The following MYO7B variants were observed in gnomAD, a reference collection of about 807,000 sequenced individuals.
MYO7B encodes the protein myosin VIIB, also known as unconventional myosin-VIIb.
In MYO7B, 212 loss-of-function variants were observed where a neutral mutation model predicts 259.7. The ratio of observed to expected loss-of-function variants is 0.82; its 90% CI spans 0.73 to 0.91. The LOEUF is 0.91. Ranked by LOEUF, MYO7B falls within the 40% of genes least tolerant of loss-of-function variation. The pLI, the probability that MYO7B is intolerant of heterozygous loss-of-function variation, is 0.00. For missense variants in MYO7B, 2,732 were observed against 2,813.5 expected (o/e 0.97, Z 0.66); for synonymous variants, 1,197 against 1,166.4 (o/e 1.03, Z -0.54).
At chr2:127,574,205 C>CTTCCCCCTCA (rs1678766175) in intron 7 of MYO7B, 143 bp downstream of exon 7, 2 of 1,095,202 alleles carry the variant, frequency 1.8e-6, no homozygotes, top group East Asian at 4.8e-5. Context: ...AATGAGGGCC[C>CTTCCCCCTCA]TTCCCCAGTA....
Position 127,636,666 on chromosome 2 carries a change from G to A in MYO7B, c.6207+38G>A. 6.2e-7 allele frequency: 1 copy of A among 1,607,814 alleles called. No individual in the cohort carries two copies. The highest frequency in any genetic ancestry group is 8.5e-7 in the Non-Finnish European group (1 of 1,177,060). ...CCTCCGGAGGGGCTGGGGGCCACCA[G>A]GTCCAGGGACCTGTGCAGGTGGGGC... is the stretch of plus-strand genomic sequence containing the variant. On this transcript the variant is annotated intron_variant, in intron 46 of 47. Transcript: ENST00000409816. The surrounding 1 kb of genome is among the most constrained non-coding windows in gnomAD (Gnocchi z 4.5).
intron 27 of MYO7B, 53 bp downstream of exon 27, chr2:127,620,519 G>T: frequency 2.8e-6 from 4 of 1,439,736 alleles, no homozygotes; most frequent in Non-Finnish European, 3.7e-6. Flanking sequence ...TGGTGGGAGC[G>T]TAGGTGGCCC....
rs1677981424 is a variant in MYO7B, at chr2:127,559,558, C to A, written c.-23-142C>A. 2 of 719,136 alleles carry A rather than the reference C, an allele frequency of 2.8e-6. No individual in the cohort carries two copies. The highest frequency in any genetic ancestry group is 3.5e-5 in the African/African-American group (2 of 57,066). 44.5% of individuals were successfully genotyped at this position (719,136 alleles called of 1,614,324 possible). A position where few individuals can be genotyped will look rare whatever the true frequency, so the allele number is the denominator to read the frequency against. On this transcript the variant is annotated intron_variant, in intron 1 of 47. Coordinates refer to ENST00000409816, the MANE Select transcript of MYO7B (RefSeq NM_001393586.1). The surrounding 1 kb of genome is among the most constrained non-coding windows in gnomAD (Gnocchi z 4.1). ...GGGCTAGGACTGTGACTCATTCATC[C>A]ATTTATTCAGCATTGTTTTTGAGCC...
chr2:127,612,457 G>T lies in MYO7B; in HGVS notation c.3271-19G>T. 1 of 1,551,752 alleles carries T rather than the reference G, an allele frequency of 6.4e-7. No individual in the cohort carries two copies. Among genetic ancestry groups the T allele is most frequent in the Non-Finnish European group, 8.7e-7 (1 of 1,147,100 alleles). ...GGGGAGAATCATAGCTGTCCTGATG[G>T]CTGCCTTTGGGTTTCAAGGTGGCCA... On this transcript the variant is annotated intron_variant, in intron 25 of 47. Transcript: ENST00000409816.
intron 19 of MYO7B, 64 bp from the exon 20 acceptor site, chr2:127,605,780 C>A: frequency 6.9e-7 from 1 of 1,448,734 alleles, no homozygotes; most frequent in Non-Finnish European, 9.6e-7. Context: ...ACCAGTTTTT[C>A]TCCCTCAGAA....
chr2:127,607,506 G>T lies in MYO7B; in HGVS notation c.2643+82G>T, dbSNP rs1680202741. ...AGGGCAAGAAGGAGTGAGCGGCTGT[G>T]TAGAGAGCTCACCAGAAGCGCTTTG... On this transcript the variant is annotated intron_variant, in intron 21 of 47. Coordinates refer to ENST00000409816, the MANE Select transcript of MYO7B (RefSeq NM_001393586.1). The surrounding 1 kb of genome is among the most constrained non-coding windows in gnomAD (Gnocchi z 4.4). 4 of 1,251,932 alleles carry T rather than the reference G, an allele frequency of 3.2e-6. No individual in the cohort carries two copies. The highest frequency in any genetic ancestry group is 2.3e-5 in the Admixed American group (1 of 43,048). 77.6% of individuals were successfully genotyped at this position (1,251,932 alleles called of 1,614,324 possible). A position where few individuals can be genotyped will look rare whatever the true frequency, so the allele number is the denominator to read the frequency against.
At chr2:127,625,057 A>G (rs1271887324) in intron 30 of MYO7B, among the ~76,000 whole-genome samples, 1 of 152,170 alleles carries the variant, frequency 6.6e-6, no homozygotes, top group Non-Finnish European at 1.5e-5. Flanking sequence ...CTCCCTTGAC[A>G]ACCAAGGACT....
chr2:127,633,469 T>C lies in MYO7B; in HGVS notation c.5511+106T>C. The C allele has an allele frequency of 4.6e-6, 5 of 1,097,398 alleles. No individual in the cohort carries two copies. In the South Asian group the frequency reaches 7.3e-5, roughly 16 times the overall value. The allele number at this position is 1,097,398 out of a possible 1,614,324, so 68.0% of individuals were successfully genotyped here. ...TCCTTGGTAACCCCAGAGAGCCTTT[T>C]CTAGGGCTGTCCCATCCTAACCAGT... On this transcript the variant is annotated intron_variant, in intron 40 of 47. Coordinates refer to ENST00000409816, the MANE Select transcript of MYO7B (RefSeq NM_001393586.1).
intron 1 of MYO7B, among the ~76,000 whole-genome samples, chr2:127,545,430 A>T (rs960983780): frequency 6.6e-6 from 1 of 152,188 alleles, no homozygotes; most frequent in African/African-American, 2.4e-5. Flanking sequence ...GAGCAGCCGC[A>T]TGCTGGGATG....
rs141325832 is a variant in MYO7B, at chr2:127,540,851, G to A, written c.-24+5020G>A. 5.9e-5 allele frequency among the ~76,000 whole-genome samples: 9 copies of A among 152,306 alleles called. No individual in the cohort carries two copies. The South Asian group carries it at 8.3e-4, about 14-fold the overall frequency. On this transcript the variant is annotated intron_variant, in intron 1 of 47. Transcript: ENST00000409816. ...TGAACAGGGGCTTCTGTGGAGCTAC[G>A]TCTACATGAAGGACGGTGTTTCAAG... is the stretch of plus-strand genomic sequence containing the variant.
intron 1 of MYO7B, among the ~76,000 whole-genome samples, chr2:127,558,675 A>G (rs909852141): frequency 6.6e-6 from 1 of 152,210 alleles, no homozygotes; most frequent in Non-Finnish European, 1.5e-5. Context: ...ACGTATATAT[A>G]TGATATACAT....
chr2:127,566,993 C>G (rs902669936), intron 5 of MYO7B, among the ~76,000 whole-genome samples, 166 bp downstream of exon 5: 2 of 152,190 alleles, frequency 1.3e-5, no homozygotes, highest in Non-Finnish European at 2.9e-5. Flanking sequence ...GCAGTTCCCC[C>G]AAAGCTTCCT....
chr2:127,578,362 G>C, intron 9 of MYO7B, 76 bp downstream of exon 9: 1 of 1,565,262 alleles, frequency 6.4e-7, no homozygotes, highest in South Asian at 1.1e-5. Context: ...GCATCTCTAG[G>C]GGTTCTCACA....
rs1001458666 is a variant in MYO7B, at chr2:127,535,839, C to T, written c.-24+8C>T. The T allele has an allele frequency of 6.6e-6, 1 of 152,242 alleles. No homozygotes were observed. The highest frequency in any genetic ancestry group is 2.4e-5 in the African/African-American group (1 of 41,432). The allele number at this position is 152,242 out of a possible 1,614,324, so 9.4% of individuals were successfully genotyped here. A position where few individuals can be genotyped will look rare whatever the true frequency, so the allele number is the denominator to read the frequency against. The stretch of plus-strand genomic sequence containing the variant: ...GACCCCCATCCTGACAAGGTAAGGG[C>T]GTGCCGGGGGCGTGTCTGCCAGCGG... On this transcript the variant is annotated splice_region_variant and intron_variant, in intron 1 of 47. Transcript: ENST00000409816. This position sits in a 1 kb window ranked among gnomAD's most constrained non-coding sequence, Gnocchi z 4.8.
At position 127,636,548 on chromosome 2, in the gene MYO7B, A is replaced by C; in HGVS notation, c.6127A>C (p.Thr2043Pro). The C allele has an allele frequency of 1.2e-6, 2 of 1,610,192 alleles. No individual in the cohort carries two copies. The highest frequency in any genetic ancestry group is 2.2e-5 in the South Asian group (2 of 90,312). The change falls in exon 46 of 48, where the codon ACC becomes CCC. Residue 2043 changes from threonine (T) to proline (P), a missense_variant. Transcript: ENST00000409816. The surrounding 1 kb of genome is among the most constrained non-coding windows in gnomAD (Gnocchi z 4.5). ...FGSAFFEVKQ[T>P]SEPSYPDVIL... ...CCGCCGTGTCCCTCCCTCCCAGCAA[A>C]CCTCGGAGCCTTCCTACCCGGACGT...
chr2:127,549,159 CCTTCCTTT>C (rs143181627), intron 1 of MYO7B, among the ~76,000 whole-genome samples: 78,864 of 133,178 alleles, frequency 0.59, 22,254 homozygotes, highest in Admixed American at 0.7. Context: ...TTCCTTCCTT[CCTTCCTTT>C]CTTTCTTTCT....
chr2:127,634,652 C>T lies in MYO7B; in HGVS notation c.5682C>T (p.Asp1894=), dbSNP rs760644801. The change falls in exon 42 of 48, where the codon GAC becomes GAT. Residue 1894 remains aspartate, a synonymous_variant. Coordinates refer to ENST00000409816, the MANE Select transcript of MYO7B (RefSeq NM_001393586.1). ...TTGATTCCTTGAGGGAGGTGTCTGA[C>T]TGGGTGAAGAAGAACAAGCCCCAGA... ...FFFDSLREVS[D]WVKKNKPQKE... is the part of the protein sequence containing the mutation. 6.2e-7 allele frequency: 1 copy of T among 1,612,968 alleles called. No individual in the cohort carries two copies. The highest frequency in any genetic ancestry group is 8.5e-7 in the Non-Finnish European group (1 of 1,179,520).
intron 2 of MYO7B, 31 bp from the exon 3 acceptor site, chr2:127,564,122 A>T (rs1394477861): frequency 7.0e-7 from 1 of 1,431,520 alleles, no homozygotes; most frequent in Non-Finnish European, 9.6e-7. Flanking sequence ...GAGAGCGGGG[A>T]TCACACCACT....
At chr2:127,619,370 AG>A (rs1402444911) in intron 26 of MYO7B, among the ~76,000 whole-genome samples, 1 of 17,324 alleles carries the variant, frequency 5.8e-5, no homozygotes, top group Non-Finnish European at 1.1e-4. Flanking sequence ...GCGCCAGCTG[AG>A]TAGTGGGTGC....
Sources: gnomAD v4.1 joint callset for allele counts (sites outside exome capture counted in the v4.1 genomes callset) on GRCh38, gnomAD v4.1.1 for gene constraint, Gnocchi (gnomAD v3.1) non-coding constraint, MANE v1.5 for transcripts, NCBI Gene and HGNC (gene_info 2026-07-23, HGNC 2026-07-21) for gene names.